WDPCP: variants seen among roughly 807,000 people sequenced by gnomAD.
WDPCP encodes the protein WD repeat containing planar cell polarity effector, also known as WD repeat-containing and planar cell polarity effector protein fritz homolog.
Under a neutral mutation model 93.1 loss-of-function variants are expected in WDPCP, and 71 were observed. The observed-to-expected ratio is 0.76, with a 90% confidence interval of 0.63 to 0.93. The LOEUF (loss-of-function observed/expected upper bound fraction) is 0.93. WDPCP is among the 40% of genes least tolerant of loss of function. WDPCP has a pLI of 0.00. For missense variants in WDPCP, 844 were observed against 887.4 expected (o/e 0.95, Z 0.62); for synonymous variants, 315 against 315.0 (o/e 1.00, Z 0.00).
chr2:63,767,393 T>A (rs547263750), intron 2 of WDPCP, among the ~76,000 whole-genome samples: 1 of 152,292 alleles, frequency 6.6e-6, no homozygotes, highest in East Asian at 1.9e-4. Context: ...GGTGGATGTA[T>A]GGCTTAACTT....
intron 13 of WDPCP, among the ~76,000 whole-genome samples, chr2:63,267,169 A>C (rs35508334): frequency 0.023 from 3,486 of 152,340 alleles, 53 homozygotes; most frequent in Non-Finnish European, 0.036. Context: ...CCCAGATACA[A>C]ATCCAAGTAT....
At chr2:63,804,028 C>T (rs1182274907) in intron 2 of WDPCP, among the ~76,000 whole-genome samples, 1 of 152,018 alleles carries the variant, frequency 6.6e-6, no homozygotes, top group African/African-American at 2.4e-5. Context: ...ATAGTTGCCT[C>T]TAGGGGGGAA....
intron 1 of WDPCP, among the ~76,000 whole-genome samples, chr2:63,529,926 G>T (rs1050355845): frequency 6.6e-6 from 1 of 152,118 alleles, no homozygotes; most frequent in Non-Finnish European, 1.5e-5. Flanking sequence ...GTTTAGTCTT[G>T]GGAGGGTGTA....
chr2:63,673,557 G>T (rs1452347321), intron 2 of WDPCP, among the ~76,000 whole-genome samples: 1 of 152,064 alleles, frequency 6.6e-6, no homozygotes. Flanking sequence ...AGTCATTGGT[G>T]GGAGAGGCTG....
intron 15 of WDPCP, among the ~76,000 whole-genome samples, chr2:63,172,007 CAGAA>C (rs922480677): frequency 6.6e-6 from 1 of 152,118 alleles, no homozygotes; most frequent in South Asian, 2.1e-4. Flanking sequence ...TCTCTAGAGA[CAGAA>C]AGCAGAGCAA....
chr2:63,467,649 G>C (rs1332387954), intron 6 of WDPCP, among the ~76,000 whole-genome samples: 3 of 151,660 alleles, frequency 2.0e-5, no homozygotes, highest in Non-Finnish European at 4.4e-5. Context: ...GGTGGTGCAC[G>C]CCTGTAGTCC....
chr2:63,383,236 A>C (rs1339568066), intron 10 of WDPCP, among the ~76,000 whole-genome samples: 2 of 152,172 alleles, frequency 1.3e-5, no homozygotes, highest in Non-Finnish European at 2.9e-5. Flanking sequence ...TAATCCAGAA[A>C]ACAATAACAA....
intron 2 of WDPCP, among the ~76,000 whole-genome samples, chr2:63,759,668 A>G (rs1034927212): frequency 6.6e-6 from 1 of 152,176 alleles, no homozygotes; most frequent in African/African-American, 2.4e-5. Flanking sequence ...CCCCAACATG[A>G]TACACCAACT....
At chr2:63,719,811 T>A (rs1228780773) in intron 2 of WDPCP, among the ~76,000 whole-genome samples, 1 of 152,166 alleles carries the variant, frequency 6.6e-6, no homozygotes, top group African/African-American at 2.4e-5. Flanking sequence ...TACCATATAT[T>A]AGGCTATAAG....
chr2:63,474,571 T>G, intron 6 of WDPCP, among the ~76,000 whole-genome samples: 1 of 152,132 alleles, frequency 6.6e-6, no homozygotes, highest in South Asian at 2.1e-4. Context: ...GTGGAAAAAG[T>G]AGTATCTCAC....
At chr2:63,833,810 A>T in the WDPCP span, among the ~76,000 whole-genome samples, 1 of 152,238 alleles carries the variant, frequency 6.6e-6, no homozygotes, top group South Asian at 2.1e-4. Flanking sequence ...GAGAATGACT[A>T]AATTGAATTT....
intron 10 of WDPCP, among the ~76,000 whole-genome samples, chr2:63,395,928 C>T (rs1693691617): frequency 6.6e-6 from 1 of 152,116 alleles, no homozygotes; most frequent in African/African-American, 2.4e-5. Context: ...CAGGTTTCAC[C>T]ATGTTGGTCA....
At chr2:63,371,691 C>CA (rs1558532880) in intron 12 of WDPCP, among the ~76,000 whole-genome samples, 2 of 151,764 alleles carry the variant, frequency 1.3e-5, no homozygotes, top group African/African-American at 2.4e-5. Context: ...TCCACTCCTC[C>CA]AAAAAAACCT....
chr2:63,159,001 C>T (rs1167626959), intron 15 of WDPCP, among the ~76,000 whole-genome samples: 2 of 103,350 alleles, frequency 1.9e-5, no homozygotes, highest in Non-Finnish European at 4.0e-5. Flanking sequence ...AAAAAAAAAG[C>T]AAAAATTAGC....
intron 3 of WDPCP, among the ~76,000 whole-genome samples, chr2:63,596,916 A>T (rs10865341): frequency 0.81 from 123,147 of 151,786 alleles, 50,772 homozygotes; most frequent in East Asian, 0.98. Flanking sequence ...CTATAAAATC[A>T]GAAGATTAAA....
intron 15 of WDPCP, among the ~76,000 whole-genome samples, chr2:63,154,291 C>T (rs1189244287): frequency 6.6e-6 from 1 of 152,012 alleles, no homozygotes; most frequent in African/African-American, 2.4e-5. Context: ...AAAACCCTCC[C>T]TTATATACTT....
At chr2:63,595,980 G>A (rs565525528) in intron 3 of WDPCP, among the ~76,000 whole-genome samples, 6 of 152,006 alleles carry the variant, frequency 3.9e-5, no homozygotes, top group Non-Finnish European at 7.4e-5. Flanking sequence ...CCTCTTACAC[G>A]GTCCCCATCC....
intron 8 of WDPCP, among the ~76,000 whole-genome samples, chr2:63,435,434 CATT>C (rs1323481791): frequency 2.0e-5 from 3 of 152,116 alleles, no homozygotes; most frequent in African/African-American, 7.2e-5. Context: ...CTCTCAATAT[CATT>C]AAGTCTTCTT....
chr2:63,576,977 T>A (rs552041987), intron 1 of WDPCP, among the ~76,000 whole-genome samples: 1 of 152,196 alleles, frequency 6.6e-6, no homozygotes, highest in African/African-American at 2.4e-5. Context: ...GTCTTCACTA[T>A]AAGGTAGTTC....
Sources: gnomAD v4.1 joint callset for allele counts (sites outside exome capture counted in the v4.1 genomes callset) on GRCh38, gnomAD v4.1.1 for gene constraint, MANE v1.5 for transcripts, NCBI Gene and HGNC (gene_info 2026-07-23, HGNC 2026-07-21) for gene names.